Variants in DMD observed in about 807,000 individuals in gnomAD.
The protein encoded by DMD is mutant dystrophin.
A neutral mutation model predicts 330.1 loss-of-function variants in DMD; 63 were observed. The observed-to-expected ratio is 0.19, with a 90% CI of 0.16 to 0.24. The LOEUF (loss-of-function observed/expected upper bound fraction) is 0.24. Among genes scored for constraint, DMD ranks in the 10% least tolerant of loss-of-function variants. The pLI is 1.00. For missense variants in DMD, 3,344 were observed against 2,684.1 expected (o/e 1.25, Z -5.43); for synonymous variants, 1,223 against 959.8 (o/e 1.27, Z -5.07).
At chrX:32,120,580 A>G (rs1447629704) in intron 44 of DMD, among the ~76,000 whole-genome samples, 1 of 112,187 alleles carries the variant, frequency 8.9e-6, no homozygotes, top group South Asian at 3.7e-4. Context: ...TGGATTCAGA[A>G]GAGTCTCAAC....
At chrX:31,552,790 C>A (rs2074566499) in intron 55 of DMD, among the ~76,000 whole-genome samples, 1 of 111,886 alleles carries the variant, frequency 8.9e-6, no homozygotes, top group Non-Finnish European at 1.9e-5. Context: ...CGATCTTCAG[C>A]AAATTTCTTA....
chrX:32,208,528 G>T (rs2097080629), intron 44 of DMD, among the ~76,000 whole-genome samples: 1 of 111,377 alleles, frequency 9.0e-6, no homozygotes, highest in Non-Finnish European at 1.9e-5. Context: ...GTCAGACTAG[G>T]TATCCCAGAG....
chrX:32,973,694 C>T (rs1273061308), intron 2 of DMD, among the ~76,000 whole-genome samples: 2 of 111,852 alleles, frequency 1.8e-5, no homozygotes, highest in Non-Finnish European at 3.8e-5. Context: ...AACATCCCTG[C>T]TGTGTCCTAT....
intron 7 of DMD, among the ~76,000 whole-genome samples, chrX:32,779,020 G>T (rs1202514226): frequency 9.0e-6 from 1 of 111,456 alleles, no homozygotes; most frequent in Non-Finnish European, 1.9e-5. Flanking sequence ...CTTTGTCTCC[G>T]ATATACTCTA....
At chrX:32,522,085 T>C (rs1295670856) in intron 17 of DMD, among the ~76,000 whole-genome samples, 1 of 112,028 alleles carries the variant, frequency 8.9e-6, no homozygotes, top group Non-Finnish European at 1.9e-5. Flanking sequence ...CTGTGGTTTA[T>C]AAGCTACCCA....
chrX:32,578,773 T>C (rs1239151712), intron 13 of DMD, among the ~76,000 whole-genome samples: 2 of 111,539 alleles, frequency 1.8e-5, no homozygotes, highest in South Asian at 3.8e-4. Context: ...CCCAGGCGTA[T>C]ATCCACTAAG....
At chrX:32,019,614 A>C (rs1465695213) in intron 44 of DMD, among the ~76,000 whole-genome samples, 1 of 105,555 alleles carries the variant, frequency 9.5e-6, no homozygotes, top group Non-Finnish European at 2.1e-5. Flanking sequence ...TTTCTTACAC[A>C]TGTTTCAAAG....
intron 7 of DMD, among the ~76,000 whole-genome samples, chrX:32,706,453 A>G (rs982475467): frequency 3.5e-4 from 39 of 110,518 alleles, no homozygotes; most frequent in Non-Finnish European, 7.0e-4. Context: ...GATCCCAGCT[A>G]TTCGGGAGGC....
intron 44 of DMD, among the ~76,000 whole-genome samples, chrX:32,024,947 G>GT (rs1046526983): frequency 9.0e-6 from 1 of 111,674 alleles, no homozygotes; most frequent in African/African-American, 3.3e-5. Context: ...TGGTTGCAAA[G>GT]TTTTTTTCTT....
chrX:32,962,611 A>G (rs1314087819), intron 2 of DMD, among the ~76,000 whole-genome samples: 1 of 111,715 alleles, frequency 9.0e-6, no homozygotes, highest in Non-Finnish European at 1.9e-5. Flanking sequence ...GTAGATTAAT[A>G]CAGACATTCA....
intron 30 of DMD, among the ~76,000 whole-genome samples, chrX:32,396,276 G>A (rs896754515): frequency 1.8e-5 from 2 of 110,963 alleles, no homozygotes; most frequent in African/African-American, 6.5e-5. Context: ...AACTGTTGAG[G>A]ATGAGCTTCT....
intron 1 of DMD, among the ~76,000 whole-genome samples, chrX:33,125,026 A>G (rs2095454513): frequency 1.1e-5 from 1 of 91,195 alleles, no homozygotes; most frequent in Non-Finnish European, 2.1e-5. Flanking sequence ...GTCCATCTAA[A>G]AAAAAAAAAA....
chrX:32,593,726 G>T (rs1169705556), intron 13 of DMD, among the ~76,000 whole-genome samples: 1 of 112,379 alleles, frequency 8.9e-6, no homozygotes, highest in African/African-American at 3.2e-5. Context: ...GGAATGCTTA[G>T]AAAGAGATGT....
At chrX:32,232,138 A>G (rs1031689002) in intron 43 of DMD, among the ~76,000 whole-genome samples, 7 of 111,829 alleles carry the variant, frequency 6.3e-5, no homozygotes, top group African/African-American at 2.3e-4. Flanking sequence ...AAAAACTTCT[A>G]GGCTATAAGA....
intron 6 of DMD, among the ~76,000 whole-genome samples, chrX:32,815,476 C>A (rs1335902910): frequency 1.1e-5 from 1 of 89,187 alleles, no homozygotes; most frequent in Non-Finnish European, 2.1e-5. Context: ...CCCTCTCTCT[C>A]AAATACACAC....
chrX:32,422,804 A>C (rs750883625), intron 29 of DMD, among the ~76,000 whole-genome samples: 1 of 111,336 alleles, frequency 9.0e-6, no homozygotes, highest in East Asian at 2.8e-4. Flanking sequence ...CATTTTCAGA[A>C]ATTTGGCCTG....
chrX:33,148,493 A>C (rs1053092491), intron 1 of DMD, among the ~76,000 whole-genome samples: 7 of 112,076 alleles, frequency 6.2e-5, no homozygotes, highest in Non-Finnish European at 1.1e-4. Flanking sequence ...AGTTAAATTA[A>C]ATAAAAGAAG....
chrX:33,168,936 G>A (rs745439763), intron 1 of DMD, among the ~76,000 whole-genome samples: 1 of 109,848 alleles, frequency 9.1e-6, no homozygotes, highest in East Asian at 2.9e-4. Flanking sequence ...ACACAGAAAT[G>A]CATGAATACC....
chrX:31,317,901 A>G (rs1232073164), intron 62 of DMD, among the ~76,000 whole-genome samples: 1 of 112,210 alleles, frequency 8.9e-6, no homozygotes, highest in East Asian at 2.8e-4. Flanking sequence ...ACTGCAAACC[A>G]GCCAACACAG....
Sources: gnomAD v4.1 joint callset for allele counts (sites outside exome capture counted in the v4.1 genomes callset) on GRCh38, gnomAD v4.1.1 for gene constraint, MANE v1.5 for transcripts, NCBI Gene and HGNC (gene_info 2026-07-23, HGNC 2026-07-21) for gene names.